Variants in ACP7 observed in about 807,000 individuals in gnomAD.
ACP7 encodes the protein acid phosphatase 7, tartrate resistant (putative).
ACP7 carries 58 observed loss-of-function variants against 60.6 expected under a neutral mutation model. That is an observed-to-expected ratio of 0.96 (90% CI 0.77 to 1.19). ACP7 has a LOEUF of 1.19. Among genes scored for constraint, ACP7 ranks in the 50% most tolerant of loss-of-function variants. ACP7 has a pLI of 0.00. For missense variants in ACP7, 574 were observed against 596.2 expected, an observed-to-expected ratio of 0.96 and a Z score of 0.39; for synonymous variants, 237 against 232.6, an observed-to-expected ratio of 1.02 and a Z score of -0.17.
intron 2 of ACP7, among the ~76,000 whole-genome samples, chr19:39,086,477 A>T (rs931756607): frequency 2.0e-5 from 3 of 152,024 alleles, no homozygotes; most frequent in African/African-American, 4.8e-5. Flanking sequence ...CAAAAAAATT[A>T]AAAAATTAGC....
At chr19:39,088,860 C>A (rs1360296976) in intron 2 of ACP7, among the ~76,000 whole-genome samples, 2 of 152,120 alleles carry the variant, frequency 1.3e-5, no homozygotes, top group Non-Finnish European at 2.9e-5. Context: ...ATTCTCCTGC[C>A]TCAGCCTCCC....
intron 2 of ACP7, among the ~76,000 whole-genome samples, chr19:39,091,040 C>A (rs1205429181): frequency 6.6e-6 from 1 of 152,070 alleles, no homozygotes; most frequent in East Asian, 1.9e-4. Context: ...CAACAAGCCT[C>A]CATCATTTGT....
At chr19:39,104,029 T>G (rs976765177) in intron 11 of ACP7, among the ~76,000 whole-genome samples, 1 of 149,032 alleles carries the variant, frequency 6.7e-6, no homozygotes, top group Non-Finnish European at 1.5e-5. Context: ...CGCTTGAGTC[T>G]AGGAGTTCGA....
At chr19:39,093,647 C>A (rs2073235549) in intron 2 of ACP7, among the ~76,000 whole-genome samples, 1 of 152,172 alleles carries the variant, frequency 6.6e-6, no homozygotes, top group Admixed American at 6.5e-5. Context: ...ACCTTGGCCT[C>A]CCAAAGTGCT....
chr19:39,107,077 A>G lies in ACP7; in HGVS notation c.1244A>G (p.Asp415Gly), dbSNP rs760037406. 7 of 1,613,770 alleles carry G rather than the reference A, an allele frequency of 4.3e-6. No homozygotes were observed. Among genetic ancestry groups the G allele is most frequent in the Admixed American group, 3.3e-5 (2 of 59,954 alleles). ...CACATCCACATCCAGCAGGTGTCGG[A>G]CGACCAGGTCAGTGAGGGGCAGGCC... ...GTHIHIQQVS[D>G]DQDGKIVDDV... Residue 415 changes from aspartate (D) to glycine (G), a missense_variant, in exon 12 of 13, where the codon GAC becomes GGC. Asp to Gly is a moderately conservative substitution (Grantham distance 94, BLOSUM62 -1). Coordinates refer to ENST00000331256, the MANE Select transcript of ACP7 (RefSeq NM_001004318.3).
chr19:39,092,771 C>CTTTTTTTTT (rs67888880), intron 2 of ACP7, among the ~76,000 whole-genome samples: 11 of 114,664 alleles, frequency 9.6e-5, no homozygotes, highest in Admixed American at 2.1e-4. Context: ...TCCCATTCCT[C>CTTTTTTTTT]TTTTTTTTTT....
In ACP7 at chr19:39,100,656, G is replaced by T; in HGVS notation, c.692+14G>T. 6.2e-7 allele frequency: 1 copy of T among 1,613,870 alleles called. No individual in the cohort carries two copies. Among genetic ancestry groups the T allele is most frequent in the Non-Finnish European group, 8.5e-7 (1 of 1,179,806 alleles). On this transcript the variant is annotated intron_variant, in intron 6 of 12. Transcript: ENST00000331256. ...CCTGTGGTACAGGTAATGTGGGGGT[G>T]CTGGGGGACTGGCCCTCTCCCCTGA...
At chr19:39,086,524 G>C (rs1272150661) in intron 2 of ACP7, among the ~76,000 whole-genome samples, 3 of 151,802 alleles carry the variant, frequency 2.0e-5, no homozygotes, top group African/African-American at 4.8e-5. Context: ...CAGCTGCTTG[G>C]GGAGCTGAGG....
At chr19:39,108,706 T>C (rs1024015207) in intron 12 of ACP7, among the ~76,000 whole-genome samples, 2 of 152,174 alleles carry the variant, frequency 1.3e-5, no homozygotes, top group Admixed American at 1.3e-4. Context: ...TAATAATGGC[T>C]CACCTTTCTT....
At chr19:39,097,035 C>T (rs546307772) in intron 2 of ACP7, among the ~76,000 whole-genome samples, 2 of 152,244 alleles carry the variant, frequency 1.3e-5, no homozygotes, top group South Asian at 2.1e-4. Flanking sequence ...CTCCTGACCT[C>T]GTGATCTGCC....
intron 2 of ACP7, among the ~76,000 whole-genome samples, chr19:39,089,138 A>G (rs1238460018): frequency 1.3e-5 from 2 of 152,122 alleles, no homozygotes; most frequent in Admixed American, 6.6e-5. Context: ...CGTGTTGCCC[A>G]GGCTGGTCTC....
Position 39,101,320 on chromosome 19 carries a change from T to G in ACP7, c.1006T>G (p.Ser336Ala), listed in dbSNP as rs1568481710. The part of the protein sequence containing the change: ...VDLQLWAHEH[S>A]YERLWPIYNY... ...TCTGCAGCTGTGGGCTCATGAGCAC[T>G]CGTATGAACGACTGTGGCCAATTTA... The change falls in exon 10 of 13, where the codon TCG (serine) becomes GCG (alanine). Residue 336 changes from serine to alanine, a missense_variant. Physicochemically the swap from Ser to Ala is moderately conservative, Grantham distance 99. Coordinates refer to ENST00000331256, the MANE Select transcript of ACP7 (RefSeq NM_001004318.3). 10 of 1,614,136 alleles carry G rather than the reference T, an allele frequency of 6.2e-6. No homozygotes were observed. The highest frequency in any genetic ancestry group is 1.3e-5 in the African/African-American group (1 of 75,032).
rs528097006 is a variant in ACP7 at position 39,087,924 on chromosome 19, G to A, written c.121+2534G>A. On this transcript the variant is annotated intron_variant, in intron 2 of 12. Transcript: ENST00000331256. ...GCTGGGATTACAGGCGTGAGCCACCGTGCCTGGCTCTAGTCCTACTCTTTT... is the reference window on the plus strand; with the variant it reads ...GCTGGGATTACAGGCGTGAGCCACCATGCCTGGCTCTAGTCCTACTCTTTT... 1.1e-4 allele frequency among the ~76,000 whole-genome samples: 17 copies of A among 151,474 alleles called. No individual in the cohort carries two copies. The South Asian group carries it at 1.9e-3, about 17-fold the overall frequency.
chr19:39,104,751 G>C (rs1288962426), intron 11 of ACP7, among the ~76,000 whole-genome samples: 1 of 151,980 alleles, frequency 6.6e-6, no homozygotes, highest in Non-Finnish European at 1.5e-5. Flanking sequence ...CGGGCATGGT[G>C]GTGGGCACCT....
At chr19:39,107,402 G>A (rs62120481) in intron 12 of ACP7, among the ~76,000 whole-genome samples, 29,589 of 151,376 alleles carry the variant, frequency 0.2, 2,897 homozygotes, top group Non-Finnish European at 0.21. Context: ...CTAACATGGT[G>A]AAACCCCTTC....
intron 2 of ACP7, among the ~76,000 whole-genome samples, chr19:39,087,836 G>T (rs938097297): frequency 4.6e-5 from 7 of 151,970 alleles, no homozygotes; most frequent in African/African-American, 1.7e-4. Flanking sequence ...GTTTCACCAT[G>T]TTGGCCAGGC....
Position 39,100,788 on chromosome 19 carries a change from T to G in ACP7, c.742T>G (p.Phe248Val), listed in dbSNP as rs1411446240. Residue 248 changes from phenylalanine (F) to valine (V), a missense_variant, in exon 7 of 13, where the codon TTC becomes GTC. Transcript: ENST00000331256. Reference protein sequence around the residue: ...HIISFSTEVYFFLHYGRHLVQ... With the variant: ...HIISFSTEVYVFLHYGRHLVQ... ...CATCTCCTTCTCCACCGAGGTCTATTTCTTTCTCCATTATGGCCGCCACTT... is the reference window on the plus strand; with the variant it reads ...CATCTCCTTCTCCACCGAGGTCTATGTCTTTCTCCATTATGGCCGCCACTT... The G allele has an allele frequency of 3.0e-5, 49 of 1,613,996 alleles. No individual in the cohort carries two copies. The highest frequency in any genetic ancestry group is 4.1e-5 in the Non-Finnish European group (48 of 1,179,972).
intron 12 of ACP7, among the ~76,000 whole-genome samples, chr19:39,108,264 C>T (rs919395163): frequency 6.6e-6 from 1 of 151,664 alleles, no homozygotes; most frequent in Non-Finnish European, 1.5e-5. Flanking sequence ...CTCAGCCTCC[C>T]GAGTAGCTGG....
At position 39,086,629 on chromosome 19, in the gene ACP7, CA is replaced by C. The variant is rs1157010669; in HGVS notation, c.121+1251del. Among the ~76,000 whole-genome samples, 319 of 45,420 alleles carry C rather than the reference CA, an allele frequency of 7.0e-3. 2 individuals are homozygous for C. The highest frequency in any genetic ancestry group is 0.034 in the Middle Eastern group (2 of 58). 29.8% of individuals were successfully genotyped at this position (45,420 alleles called of 152,430 possible). ...TGGCTGACAGAATGAGGCCCTGTCT[CA>C]AAAAAAAAAAAGGGGGGGGGGAGGG... is the stretch of plus-strand genomic sequence containing the variant. On this transcript the variant is annotated intron_variant, in intron 2 of 12. Coordinates refer to ENST00000331256, the MANE Select transcript of ACP7 (RefSeq NM_001004318.3).
Sources: allele counts gnomAD v4.1 joint callset (sites outside exome capture counted in the v4.1 genomes callset), GRCh38; gene constraint gnomAD v4.1.1; transcripts MANE v1.5; gene names NCBI Gene and HGNC (gene_info 2026-07-23, HGNC 2026-07-21).